The following CHD5 variants were observed in gnomAD, a reference collection of about 807,000 sequenced individuals.
CHD5 encodes the protein ATP-dependent chromatin remodeler CHD5.
Under a neutral mutation model 230.3 loss-of-function variants are expected in CHD5, and 69 were observed. That is an observed-to-expected ratio of 0.30 (90% CI 0.25 to 0.37). CHD5 has a LOEUF of 0.37. CHD5 is among the 10% of genes least tolerant of loss of function. CHD5 has a pLI of 1.00. For missense variants in CHD5, 1,827 were observed against 2,622.8 expected, an observed-to-expected ratio of 0.70 and a Z score of 6.63; for synonymous variants, 1,064 against 1,065.9, an observed-to-expected ratio of 1.00 and a Z score of 0.03.
intron 1 of CHD5, among the ~76,000 whole-genome samples, chr1:6,179,260 G>A (rs1667473094): frequency 6.6e-6 from 1 of 152,232 alleles, no homozygotes; most frequent in South Asian, 2.1e-4. Context: ...TGAGGCTGGA[G>A]ACAGCGGCGG....
chr1:6,138,413 G>A (rs1571154032), intron 15 of CHD5, among the ~76,000 whole-genome samples: 1 of 151,912 alleles, frequency 6.6e-6, no homozygotes, highest in Admixed American at 6.5e-5. Flanking sequence ...AAACACCTTG[G>A]CATGTTGACA....
chr1:6,143,188 G>A (rs1332494048), intron 13 of CHD5, among the ~76,000 whole-genome samples: 1 of 152,030 alleles, frequency 6.6e-6, no homozygotes, highest in Non-Finnish European at 1.5e-5. Flanking sequence ...TAGTAGCTGG[G>A]ACCACAGGCA....
Position 6,146,872 on chromosome 1 carries a change from C to A in CHD5, c.1384-1G>T. The A allele has an allele frequency of 6.7e-7, 1 of 1,499,902 alleles. No individual in the cohort carries two copies. Among genetic ancestry groups the A allele is most frequent in the Non-Finnish European group, 8.9e-7 (1 of 1,122,098 alleles). 92.9% of individuals were successfully genotyped at this position (1,499,902 alleles called of 1,614,324 possible). Reference sequence around the variant, plus strand: ...GGACTTTGCCCTTCAGTGGGGGGCACTGTGGACAGAGAAGGGTCCCCAAGG... The same window carrying A: ...GGACTTTGCCCTTCAGTGGGGGGCAATGTGGACAGAGAAGGGTCCCCAAGG... On this transcript the variant is annotated splice_acceptor_variant, in intron 9 of 41. Transcript: ENST00000262450. LOFTEE classifies it high-confidence loss of function. This position sits in a 1 kb window ranked among gnomAD's most constrained non-coding sequence, Gnocchi z 5.1.
chr1:6,161,332 C>G (rs1044078765), intron 2 of CHD5, among the ~76,000 whole-genome samples: 4 of 152,164 alleles, frequency 2.6e-5, no homozygotes, highest in African/African-American at 9.7e-5. Flanking sequence ...GAGACGGTCA[C>G]TGACAGGGGA....
At position 6,155,577 on chromosome 1, in the gene CHD5, A is replaced by G; in HGVS notation, c.506+22T>C. On this transcript the variant is annotated intron_variant, in intron 4 of 41. Coordinates refer to ENST00000262450, the MANE Select transcript of CHD5 (RefSeq NM_015557.3). The surrounding 1 kb of genome is among the most constrained non-coding windows in gnomAD (Gnocchi z 4.0). ...ACCAGAGGATGTGCGGGCCTGGAGA[A>G]CAGCCCTAGTGCCCCGCCCACCTGA... The G allele has an allele frequency of 6.3e-7, 1 of 1,586,108 alleles. No homozygotes were observed. The highest frequency in any genetic ancestry group is 2.2e-5 in the East Asian group (1 of 44,742).
intron 31 of CHD5, among the ~76,000 whole-genome samples, chr1:6,122,891 G>T (rs558595778): frequency 1.3e-5 from 2 of 152,084 alleles, no homozygotes; most frequent in African/African-American, 4.8e-5. Flanking sequence ...CCAACATGGC[G>T]AAACCCCGTC....
At chr1:6,149,622 G>A (rs1666968712) in intron 7 of CHD5, among the ~76,000 whole-genome samples, 1 of 152,192 alleles carries the variant, frequency 6.6e-6, no homozygotes, top group African/African-American at 2.4e-5. Context: ...AGGAAGGGTA[G>A]GAGAGTGGGT....
chr1:6,136,130 T>C (rs149277186), intron 17 of CHD5, among the ~76,000 whole-genome samples: 1 of 152,080 alleles, frequency 6.6e-6, no homozygotes, highest in African/African-American at 2.4e-5. Context: ...ATGAGGGGGA[T>C]GGGGCGGTGG....
chr1:6,146,494 C>G lies in CHD5; in HGVS notation c.1591-71G>C. On this transcript the variant is annotated intron_variant, in intron 10 of 41. Transcript: ENST00000262450. The surrounding 1 kb of genome is among the most constrained non-coding windows in gnomAD (Gnocchi z 5.1). ...GTCCCCTGCATCTCCCTACCCAGCTCCTCTAGCCCCAGCCCAGGTCCCAGG... is the reference window on the plus strand; with the variant it reads ...GTCCCCTGCATCTCCCTACCCAGCTGCTCTAGCCCCAGCCCAGGTCCCAGG... The G allele has an allele frequency of 4.7e-6, 7 of 1,497,600 alleles. No individual in the cohort carries two copies. Among genetic ancestry groups the G allele is most frequent in the Non-Finnish European group, 5.5e-6 (6 of 1,084,340 alleles). The allele number at this position is 1,497,600 out of a possible 1,614,324, so 92.8% of individuals were successfully genotyped here.
chr1:6,171,616 C>T (rs1667340454), intron 1 of CHD5, among the ~76,000 whole-genome samples: 1 of 152,214 alleles, frequency 6.6e-6, no homozygotes, highest in African/African-American at 2.4e-5. Context: ...AAAACCAGAT[C>T]TGGGGGTCAC....
chr1:6,106,239 C>A lies in CHD5; in HGVS notation c.*41G>T. 1 of 1,612,546 alleles carries A rather than the reference C, an allele frequency of 6.2e-7. No individual in the cohort carries two copies. The highest frequency in any genetic ancestry group is 8.5e-7 in the Non-Finnish European group (1 of 1,179,748). The stretch of plus-strand genomic sequence containing the variant: ...CAGCACCCAGCAGCCCTCACCTCAG[C>A]TGGAAATGAGCGCTGCAACACAGGG... On this transcript the variant is annotated 3_prime_UTR_variant, in exon 41 of 42. Coordinates refer to ENST00000262450, the MANE Select transcript of CHD5 (RefSeq NM_015557.3).
rs1338056201 is a variant in CHD5 at position 6,129,265 on chromosome 1, G to A, written c.3388-196C>T. 6.6e-6 allele frequency among the ~76,000 whole-genome samples: 1 copy of A among 152,224 alleles called. No individual in the cohort carries two copies. ...ACTGCGGAGCCTCCCACAAGCCTGG[G>A]TGCCAGGCTGGGTTTGGAGTGGAAA... On this transcript the variant is annotated intron_variant, in intron 22 of 41. Transcript: ENST00000262450. This position sits in a 1 kb window ranked among gnomAD's most constrained non-coding sequence, Gnocchi z 6.8.
Position 6,155,386 on chromosome 1 carries a change from G to A in CHD5, c.506+213C>T, listed in dbSNP as rs948661101. Among the ~76,000 whole-genome samples the A allele has an allele frequency of 1.7e-4, 26 of 151,950 alleles. No homozygotes were observed. Among genetic ancestry groups the A allele is most frequent in the African/African-American group, 6.3e-4 (26 of 41,378 alleles). On this transcript the variant is annotated intron_variant, in intron 4 of 41. Coordinates refer to ENST00000262450, the MANE Select transcript of CHD5 (RefSeq NM_015557.3). The surrounding 1 kb of genome is among the most constrained non-coding windows in gnomAD (Gnocchi z 4.0). ...CCTTCCCCAAGGGGAAGAGACTCAA[G>A]GGCTGAGGGGCAGGGCCCACAAGGG...
chr1:6,136,667 G>A (rs1177825841), intron 16 of CHD5, 29 bp from the exon 17 acceptor site: 1 of 1,613,304 alleles, frequency 6.2e-7, no homozygotes, highest in South Asian at 1.1e-5. Flanking sequence ...GGCCTGTCAG[G>A]GGGCTCTGGG....
At chr1:6,112,105 G>A (rs1666300889) in intron 35 of CHD5, 35 bp downstream of exon 35, 1 of 1,605,122 alleles carries the variant, frequency 6.2e-7, no homozygotes, top group Admixed American at 1.7e-5. Context: ...CAGTCAGGAA[G>A]CCTCAGCTCT....
intron 33 of CHD5, among the ~76,000 whole-genome samples, chr1:6,117,083 ATGAGT>A (rs1666389393): frequency 6.6e-6 from 1 of 152,180 alleles, no homozygotes; most frequent in Non-Finnish European, 1.5e-5. Context: ...AACCTTCCAA[ATGAGT>A]TGAGGGGGAA....
chr1:6,143,311 GCATGAGCCA>G (rs1291625288), intron 13 of CHD5, among the ~76,000 whole-genome samples: 2 of 152,174 alleles, frequency 1.3e-5, no homozygotes, highest in Non-Finnish European at 2.9e-5. Context: ...GGGATTACAG[GCATGAGCCA>G]CCATGCCCGG....
intron 7 of CHD5, among the ~76,000 whole-genome samples, chr1:6,150,187 C>G (rs990982555): frequency 5.4e-5 from 7 of 129,594 alleles, no homozygotes; most frequent in African/African-American, 2.4e-4. Flanking sequence ...GATGGATGGA[C>G]AGAGTGGTAG....
rs553836679 is a variant in CHD5 at position 6,162,281 on chromosome 1, G to A, written c.208-2766C>T. Among the ~76,000 whole-genome samples, 3 of 152,170 alleles carry A rather than the reference G, an allele frequency of 2.0e-5. No homozygotes were observed. In the East Asian group the frequency reaches 5.8e-4, roughly 29 times the overall value. On this transcript the variant is annotated intron_variant, in intron 2 of 41. Transcript: ENST00000262450. ...CATGCCTGCAATCCCAGCTACTCAG[G>A]AGGCTGAGGCAGGAGAATCGCTTGA...
Sources: gnomAD v4.1 joint callset for allele counts (sites outside exome capture counted in the v4.1 genomes callset) on GRCh38, gnomAD v4.1.1 for gene constraint, Gnocchi (gnomAD v3.1) non-coding constraint, MANE v1.5 for transcripts, NCBI Gene and HGNC (gene_info 2026-07-23, HGNC 2026-07-21) for gene names.